Variants in RIMBP2 observed in about 807,000 individuals in gnomAD.
RIMBP2 encodes the protein RIMS binding protein 2.
RIMBP2 carries 48 observed loss-of-function variants against 118.6 expected under a neutral mutation model. The observed-to-expected ratio is 0.40, with a 90% CI of 0.32 to 0.51. The LOEUF (loss-of-function observed/expected upper bound fraction) is 0.51. RIMBP2 is among the 20% of genes least tolerant of loss of function. The pLI, the probability that RIMBP2 is intolerant of heterozygous loss-of-function variation, is 0.41. For synonymous variants in RIMBP2, 762 were observed against 742.9 expected (o/e 1.03, Z -0.42); for missense variants, 1,551 against 1,768.3 (o/e 0.88, Z 2.20).
chr12:130,661,133 C>A (rs539803878), intron 1 of RIMBP2, among the ~76,000 whole-genome samples: 3 of 152,148 alleles, frequency 2.0e-5, no homozygotes, highest in Non-Finnish European at 4.4e-5. Flanking sequence ...AGCTGCCATT[C>A]GCAGTCTGTA....
Position 130,665,032 on chromosome 12 carries a change from C to A in RIMBP2, c.-351-36576G>T, listed in dbSNP as rs191788703. Among the ~76,000 whole-genome samples the A allele has an allele frequency of 2.5e-3, 386 of 151,742 alleles. 7 individuals carry two copies. The highest frequency in any genetic ancestry group is 0.023 in the Admixed American group (345 of 15,274). ...CAGCATGCTGGAGTCCGACGAGGAA[C>A]CAGAGTCTCCACTCACTCACCAAAC... On this transcript the variant is annotated intron_variant, in intron 1 of 22. Transcript: ENST00000690449.
At chr12:130,532,805 G>A (rs1163318997) in intron 2 of RIMBP2, among the ~76,000 whole-genome samples, 1 of 147,828 alleles carries the variant, frequency 6.8e-6, no homozygotes, top group Admixed American at 6.8e-5. Flanking sequence ...TGAGATGCGT[G>A]TGTGTAGCCT....
At chr12:130,480,488 G>A (rs899856450) in intron 4 of RIMBP2, among the ~76,000 whole-genome samples, 1 of 152,254 alleles carries the variant, frequency 6.6e-6, no homozygotes, top group Admixed American at 6.5e-5. Context: ...TGGCCCCAGC[G>A]AGCCATGGGG....
chr12:130,643,660 G>A (rs1389143435), intron 1 of RIMBP2, among the ~76,000 whole-genome samples: 1 of 152,224 alleles, frequency 6.6e-6, no homozygotes, highest in East Asian at 1.9e-4. Context: ...ACTCTGCGGA[G>A]GCGGGGACCA....
intron 9 of RIMBP2, among the ~76,000 whole-genome samples, chr12:130,449,999 G>A (rs1566059064): frequency 6.6e-6 from 1 of 152,072 alleles, no homozygotes; most frequent in Non-Finnish European, 1.5e-5. Flanking sequence ...GTGACCTCCT[G>A]TCATGGCAGC....
At chr12:130,706,086 T>C (rs907722211) in intron 1 of RIMBP2, among the ~76,000 whole-genome samples, 1 of 152,222 alleles carries the variant, frequency 6.6e-6, no homozygotes, top group Non-Finnish European at 1.5e-5. Flanking sequence ...ATTGGTCTGT[T>C]TGGAGTTTAA....
intron 2 of RIMBP2, among the ~76,000 whole-genome samples, chr12:130,547,366 A>G (rs1401225978): frequency 6.6e-6 from 1 of 152,250 alleles, no homozygotes; most frequent in African/African-American, 2.4e-5. Context: ...CGGATTGTTT[A>G]GAAACATACA....
At position 130,646,433 on chromosome 12, in the gene RIMBP2, ACCTCCCTTG is replaced by A. The variant is rs1566423562; in HGVS notation, c.-351-17986_-351-17978del. Among the ~76,000 whole-genome samples, 14 of 59,560 alleles carry A rather than the reference ACCTCCCTTG, an allele frequency of 2.4e-4. 5 individuals are homozygous for A. The highest frequency in any genetic ancestry group is 5.5e-4 in the African/African-American group (12 of 21,888). 39.1% of individuals were successfully genotyped at this position (59,560 alleles called of 152,430 possible). ...CACCTCCCTCACCACTTCCCTCTCC[ACCTCCCTTG>A]CCACCTCCCTCGCCACCTCCCTCGC... On this transcript the variant is annotated intron_variant, in intron 1 of 22. Transcript: ENST00000690449.
Position 130,428,186 on chromosome 12 carries a change from G to A in RIMBP2, c.2405C>T (p.Ala802Val). The A allele has an allele frequency of 6.2e-7, 1 of 1,608,304 alleles. No homozygotes were observed. The highest frequency in any genetic ancestry group is 8.5e-7 in the Non-Finnish European group (1 of 1,177,256). The change falls in exon 15 of 23, where the codon GCC (alanine) becomes GTC (valine). Residue 802 changes from alanine to valine, a missense_variant. Transcript: ENST00000690449. ...RRRPSGTSHN[A>V]LKDCTDHRTS... is the part of the protein sequence containing the mutation. Reference sequence around the variant, plus strand: ...CCTTCCCCAGCCACTCACCTTGAGGGCATTGTGGGACGTGCCGCTGGGCCG... The same window carrying A: ...CCTTCCCCAGCCACTCACCTTGAGGACATTGTGGGACGTGCCGCTGGGCCG...
chr12:130,585,888 C>T (rs1170043895), intron 2 of RIMBP2, among the ~76,000 whole-genome samples: 1 of 152,174 alleles, frequency 6.6e-6, no homozygotes, highest in Non-Finnish European at 1.5e-5. Flanking sequence ...CCTTTTGAGT[C>T]TGCCAGCCCT....
chr12:130,591,161 A>T (rs1027418238), intron 2 of RIMBP2, among the ~76,000 whole-genome samples: 10 of 152,232 alleles, frequency 6.6e-5, no homozygotes, highest in Non-Finnish European at 1.2e-4. Context: ...TAGGAGGTTA[A>T]TAGGAAGTCA....
intron 3 of RIMBP2, among the ~76,000 whole-genome samples, chr12:130,515,957 C>A (rs983838460): frequency 2.0e-5 from 3 of 152,214 alleles, no homozygotes; most frequent in Admixed American, 6.5e-5. Context: ...CTCAGCCTCT[C>A]AAAGGGCTGG....
intron 2 of RIMBP2, among the ~76,000 whole-genome samples, chr12:130,553,621 G>C (rs555210061): frequency 1.3e-5 from 2 of 152,176 alleles, no homozygotes; most frequent in African/African-American, 4.8e-5. Flanking sequence ...GTGCATGCTT[G>C]TATTCCAAGC....
rs551694928 is a variant in RIMBP2 at position 130,499,941 on chromosome 12, C to A, written c.-4+6707G>T. ...TTTAGGTGTGGGTTCAATTAGATTT[C>A]TTTATTTTTAACTTTTATTTTAGGT... On this transcript the variant is annotated intron_variant, in intron 4 of 22. Transcript: ENST00000690449. Among the ~76,000 whole-genome samples, 17 of 152,240 alleles carry A rather than the reference C, an allele frequency of 1.1e-4. No homozygotes were observed. The East Asian group carries it at 3.1e-3, about 28-fold the overall frequency.
intron 11 of RIMBP2, among the ~76,000 whole-genome samples, chr12:130,439,653 G>C (rs1441526377): frequency 2.1e-4 from 12 of 58,272 alleles, no homozygotes; most frequent in African/African-American, 6.3e-4. Context: ...GTGTGGGGGG[G>C]ATGTGTTTTT....
chr12:130,447,426 G>C lies in RIMBP2; in HGVS notation c.582-2157C>G, dbSNP rs914210841. On this transcript the variant is annotated intron_variant, in intron 9 of 22. Transcript: ENST00000690449. The surrounding 1 kb of genome is among the most constrained non-coding windows in gnomAD (Gnocchi z 4.4). ...TGTGGATGAGACCAGGGGACACGTC[G>C]GGAATGGGGACTCAACAGAGACAGA... Among the ~76,000 whole-genome samples the C allele has an allele frequency of 2.0e-5, 3 of 152,150 alleles. No individual in the cohort carries two copies. The highest frequency in any genetic ancestry group is 4.4e-5 in the Non-Finnish European group (3 of 68,022).
At chr12:130,533,638 G>A (rs1319640321) in intron 2 of RIMBP2, among the ~76,000 whole-genome samples, 1 of 152,150 alleles carries the variant, frequency 6.6e-6, no homozygotes. Flanking sequence ...ATTCACAATA[G>A]CAAAGCTAGA....
intron 15 of RIMBP2, chr12:130,427,015 G>A (rs1217468836): frequency 3.3e-5 from 5 of 152,464 alleles, no homozygotes; most frequent in African/African-American, 7.2e-5. Flanking sequence ...AGGAGCTGCC[G>A]GGGATAGCAC....
At chr12:130,464,609 C>T (rs1351508704) in intron 6 of RIMBP2, among the ~76,000 whole-genome samples, 3 of 152,234 alleles carry the variant, frequency 2.0e-5, no homozygotes, top group African/African-American at 7.2e-5. Flanking sequence ...GGGAGTCATG[C>T]ATTGCTGCTG....
Sources: gnomAD v4.1 joint callset for allele counts (sites outside exome capture counted in the v4.1 genomes callset) on GRCh38, gnomAD v4.1.1 for gene constraint, Gnocchi (gnomAD v3.1) non-coding constraint, MANE v1.5 for transcripts, NCBI Gene and HGNC (gene_info 2026-07-23, HGNC 2026-07-21) for gene names.